Variants in NPAS1 observed in about 807,000 individuals in gnomAD.
NPAS1 encodes the protein neuronal PAS domain protein 1, also known as neuronal PAS domain-containing protein 1.
In NPAS1, 29 loss-of-function variants were observed where a neutral mutation model predicts 49.2. That is an observed-to-expected ratio of 0.59 (90% CI 0.44 to 0.80). The LOEUF (loss-of-function observed/expected upper bound fraction) is 0.80, where lower values mean the gene tolerates loss of function less well. NPAS1 is among the 30% of genes least tolerant of loss of function. The pLI, the probability that NPAS1 is intolerant of heterozygous loss-of-function variation, is 0.00. For synonymous variants in NPAS1, 408 were observed against 380.4 expected (o/e 1.07, Z -0.84); for missense variants, 825 against 835.5 (o/e 0.99, Z 0.15).
At chr19:47,035,924 C>G in intron 5 of NPAS1, 40 bp from the exon 6 acceptor site, 1 of 1,472,890 alleles carries the variant, frequency 6.8e-7, no homozygotes, top group South Asian at 1.4e-5. Flanking sequence ...ACTGCGCGCG[C>G]ACCTCACCCG....
intron 8 of NPAS1, 34 bp from the exon 9 acceptor site, chr19:47,040,410 T>C: frequency 6.8e-7 from 1 of 1,480,894 alleles, no homozygotes; most frequent in Non-Finnish European, 9.2e-7. Flanking sequence ...CCCCGTGGTC[T>C]TGGACTCCTC....
intron 9 of NPAS1, 192 bp downstream of exon 9, chr19:47,040,742 G>A (rs3745617): frequency 1.0e-5 from 6 of 592,694 alleles, no homozygotes; most frequent in Admixed American, 3.1e-5. Flanking sequence ...TGTGTGTGGG[G>A]GGGGGGTCTG....
chr19:47,045,510 C>A lies in NPAS1; in HGVS notation c.1632C>A (p.Tyr544Ter). 6.5e-7 allele frequency: 1 copy of A among 1,541,890 alleles called. No homozygotes were observed. Among genetic ancestry groups the A allele is most frequent in the Admixed American group, 2.0e-5 (1 of 50,342 alleles). ...RGLCTPGTIR[Y>*]GPAELGLVYP... ...TGTGCACACCCGGCACCATCCGCTA[C>A]GGCCCCGCGGAGCTGGGCCTGGTGT... Residue 544 changes from tyrosine (Y) to a stop codon, truncating the protein, a stop_gained, in exon 12 of 12, where the codon TAC becomes TAA. Transcript: ENST00000602212. LOFTEE classifies it high-confidence loss of function.
At chr19:47,026,620 G>A (rs548481321) in intron 3 of NPAS1, among the ~76,000 whole-genome samples, 28 of 152,246 alleles carry the variant, frequency 1.8e-4, no homozygotes, top group East Asian at 9.6e-4. Context: ...GAAACCGCCC[G>A]AAAAGGCAGT....
chr19:47,024,455 C>T (rs1184201532), intron 3 of NPAS1, among the ~76,000 whole-genome samples: 1 of 152,116 alleles, frequency 6.6e-6, no homozygotes, highest in Admixed American at 6.6e-5. Flanking sequence ...AGTTCGAGAC[C>T]TGCCTCGGCA....
chr19:47,034,892 CA>C (rs934500295), intron 5 of NPAS1, among the ~76,000 whole-genome samples: 3 of 138,592 alleles, frequency 2.2e-5, no homozygotes, highest in South Asian at 4.6e-4. Context: ...CAAAACAAAA[CA>C]AAAAAAGTCC....
intron 6 of NPAS1, among the ~76,000 whole-genome samples, chr19:47,037,085 C>T (rs1181540105): frequency 1.4e-5 from 2 of 148,066 alleles, no homozygotes; most frequent in African/African-American, 2.5e-5. Context: ...GGTGCGGTGG[C>T]TCACGCCTGT....
chr19:47,023,847 C>G (rs1683706634), intron 3 of NPAS1, among the ~76,000 whole-genome samples: 1 of 152,188 alleles, frequency 6.6e-6, no homozygotes. Context: ...TGGCTCACAC[C>G]TGTAATCCCA....
Position 47,036,003 on chromosome 19 carries a change from C to T in NPAS1, c.562C>T (p.Pro188Ser), listed in dbSNP as rs2056950181. 1 of 1,579,836 alleles carries T rather than the reference C, an allele frequency of 6.3e-7. No individual in the cohort carries two copies. ...TGSSVFDYIH[P>S]GDHSEVLEQL... ...CAGCAGCGTCTTCGACTACATTCACCCTGGGGACCACTCAGAGGTGCTGGA... is the reference window on the plus strand; with the variant it reads ...CAGCAGCGTCTTCGACTACATTCACTCTGGGGACCACTCAGAGGTGCTGGA... The change falls in exon 6 of 12, where the codon CCT (proline) becomes TCT (serine). Residue 188 changes from proline to serine, a missense_variant. Transcript: ENST00000602212.
chr19:47,027,597 C>T lies in NPAS1; in HGVS notation c.359-4681C>T, dbSNP rs1156849524. Among the ~76,000 whole-genome samples the T allele has an allele frequency of 1.1e-3, 53 of 48,480 alleles. 8 individuals are homozygous for T. Among genetic ancestry groups the T allele is most frequent in the African/African-American group, 4.0e-3 (42 of 10,378 alleles). The allele number at this position is 48,480 out of a possible 152,430, so 31.8% of individuals were successfully genotyped here. ...TCCCTTCTCTCTGCCCCTGGTCTCC[C>T]GTCTCTCTGCCCCTGGTCTCCCGTC... On this transcript the variant is annotated intron_variant, in intron 3 of 11. Transcript: ENST00000602212.
chr19:47,030,866 C>T (rs188620373), intron 3 of NPAS1, among the ~76,000 whole-genome samples: 1 of 152,188 alleles, frequency 6.6e-6, no homozygotes, highest in East Asian at 1.9e-4. Flanking sequence ...TCTCGAACTC[C>T]TGACCTCAGG....
intron 3 of NPAS1, among the ~76,000 whole-genome samples, chr19:47,025,902 A>G (rs2056868154): frequency 1.3e-5 from 2 of 150,890 alleles, no homozygotes; most frequent in Non-Finnish European, 2.9e-5. Context: ...CTCATAGGTC[A>G]GGCACATCCT....
At position 47,040,483 on chromosome 19, in the gene NPAS1, G is replaced by A; in HGVS notation, c.1002G>A (p.Val334=). ...TGGACCTGGGGCCCTCAGAGCTGGT[G>A]GGCCGCAGCTGCTACCAGTTTGTCC... ...DHMDLGPSEL[V]GRSCYQFVHG... is the part of the protein sequence containing the mutation. The change falls in exon 9 of 12, where the codon GTG becomes GTA. Residue 334 remains valine, a synonymous_variant. Transcript: ENST00000602212. The A allele has an allele frequency of 6.2e-7, 1 of 1,604,446 alleles. No homozygotes were observed. The highest frequency in any genetic ancestry group is 8.5e-7 in the Non-Finnish European group (1 of 1,176,086).
intron 6 of NPAS1, 54 bp downstream of exon 6, chr19:47,036,183 C>G: frequency 6.6e-7 from 1 of 1,510,316 alleles, no homozygotes; most frequent in Non-Finnish European, 9.0e-7. Context: ...GGGGGACGCC[C>G]GCTGTACTGT....
At chr19:47,039,222 C>A in intron 7 of NPAS1, 71 bp downstream of exon 7, 1 of 1,498,262 alleles carries the variant, frequency 6.7e-7, no homozygotes, top group Non-Finnish European at 9.0e-7. Flanking sequence ...CCGAGGGAAC[C>A]AGGCTGGTGG....
Position 47,026,701 on chromosome 19 carries a change from T to C in NPAS1, c.358+4854T>C, listed in dbSNP as rs558911266. ...CCGGGGCGGTGGCTCACACCTGTAATCCCAGCACTTTGTGAGGCCGAGGCA... is the reference window on the plus strand; with the variant it reads ...CCGGGGCGGTGGCTCACACCTGTAACCCCAGCACTTTGTGAGGCCGAGGCA... On this transcript the variant is annotated intron_variant, in intron 3 of 11. Coordinates refer to ENST00000602212, the MANE Select transcript of NPAS1 (RefSeq NM_002517.4). Among the ~76,000 whole-genome samples, 58 of 152,028 alleles carry C rather than the reference T, an allele frequency of 3.8e-4. 1 individual carries two copies. In the South Asian group the frequency reaches 0.01, roughly 27 times the overall value.
chr19:47,045,326 C>T lies in NPAS1; in HGVS notation c.1448C>T (p.Pro483Leu), dbSNP rs1443961083. ...KGSEDSGDED[P>L]SSHPATPRPE... ...TCCGAGGACAGTGGCGACGAGGATC[C>T]CTCCAGCCACCCGGCCACACCGAGG... Residue 483 changes from proline (P) to leucine (L), a missense_variant, in exon 12 of 12, where the codon CCC becomes CTC. Coordinates refer to ENST00000602212, the MANE Select transcript of NPAS1 (RefSeq NM_002517.4). 6.2e-7 allele frequency: 1 copy of T among 1,613,922 alleles called. No individual in the cohort carries two copies. Among genetic ancestry groups the T allele is most frequent in the South Asian group, 1.1e-5 (1 of 91,082 alleles).
intron 3 of NPAS1, among the ~76,000 whole-genome samples, chr19:47,029,238 C>A (rs1026763521): frequency 2.0e-5 from 3 of 151,674 alleles, no homozygotes; most frequent in African/African-American, 7.3e-5. Context: ...CACACCACCA[C>A]GCCCGGCTAG....
In NPAS1 at chr19:47,041,014, G is replaced by A. The variant is rs2057015381; in HGVS notation, c.1106G>A (p.Arg369His). 5 of 1,547,260 alleles carry A rather than the reference G, an allele frequency of 3.2e-6. No individual in the cohort carries two copies. The highest frequency in any genetic ancestry group is 3.5e-6 in the Non-Finnish European group (4 of 1,149,078). Reference protein sequence around the residue: ...DKGQVMTGYYRWLQRAGGFVW... With the variant: ...DKGQVMTGYYHWLQRAGGFVW... Reference sequence around the variant, plus strand: ...GGTCAGGTGATGACTGGTTACTACCGTTGGCTGCAGCGTGCCGGGGGCTTC... The same window carrying A: ...GGTCAGGTGATGACTGGTTACTACCATTGGCTGCAGCGTGCCGGGGGCTTC... The change falls in exon 10 of 12, where the codon CGT (arginine) becomes CAT (histidine). Residue 369 changes from arginine to histidine, a missense_variant. Coordinates refer to ENST00000602212, the MANE Select transcript of NPAS1 (RefSeq NM_002517.4).
Sources: gnomAD v4.1 joint callset for allele counts (sites outside exome capture counted in the v4.1 genomes callset) on GRCh38, gnomAD v4.1.1 for gene constraint, MANE v1.5 for transcripts, NCBI Gene and HGNC (gene_info 2026-07-23, HGNC 2026-07-21) for gene names.